GLRA2: variants seen among roughly 807,000 people sequenced by gnomAD.
GLRA2 encodes glycine receptor subunit alpha-2.
In GLRA2, 11 loss-of-function variants were observed where a neutral mutation model predicts 31.6. The ratio of observed to expected loss-of-function variants is 0.35; its 90% CI spans 0.22 to 0.58. The LOEUF is 0.58. Among genes scored for constraint, GLRA2 ranks in the 20% least tolerant of loss-of-function variants. The pLI is 0.84. For synonymous variants in GLRA2, 132 were observed against 134.0 expected, an observed-to-expected ratio of 0.99 and a Z score of 0.10; for missense variants, 212 against 351.8, an observed-to-expected ratio of 0.60 and a Z score of 3.18.
chrX:14,557,362 G>A (rs752703839), intron 2 of GLRA2, among the ~76,000 whole-genome samples: 29 of 110,128 alleles, frequency 2.6e-4, no homozygotes, highest in Middle Eastern at 4.7e-3. Context: ...TGATCCGCCC[G>A]CCTCGGCCTC....
At chrX:14,514,952 A>T in the GLRA2 span, among the ~76,000 whole-genome samples, 1 of 110,962 alleles carries the variant, frequency 9.0e-6, no homozygotes, top group African/African-American at 3.3e-5. Context: ...TTGTATAGCA[A>T]TTTCTATGTT....
At chrX:14,448,931 GGACGGTGAGT>G in the GLRA2 span, among the ~76,000 whole-genome samples, 77 of 111,018 alleles carry the variant, frequency 6.9e-4, no homozygotes, top group African/African-American at 2.4e-3. Flanking sequence ...GAGACGAGGT[GGACGGTGAGT>G]GAGCTGCTGA....
the GLRA2 span, among the ~76,000 whole-genome samples, chrX:14,519,877 CCTAA>C: frequency 3.6e-5 from 4 of 111,989 alleles, no homozygotes; most frequent in Non-Finnish European, 5.6e-5. Context: ...AAAGTAAATG[CCTAA>C]CTAATATTCG....
intron 2 of GLRA2, among the ~76,000 whole-genome samples, chrX:14,544,442 A>T (rs2089450785): frequency 8.9e-6 from 1 of 111,778 alleles, no homozygotes; most frequent in Non-Finnish European, 1.9e-5. Flanking sequence ...GCTTTCAAAA[A>T]ATGGGTAAAT....
intron 7 of GLRA2, among the ~76,000 whole-genome samples, chrX:14,638,081 G>A (rs2090730897): frequency 9.0e-6 from 1 of 111,288 alleles, no homozygotes; most frequent in Non-Finnish European, 1.9e-5. Context: ...TCTTTGAACT[G>A]CCACCCTGCA....
the GLRA2 span, among the ~76,000 whole-genome samples, chrX:14,467,954 G>A: frequency 9.0e-6 from 1 of 111,689 alleles, no homozygotes; most frequent in South Asian, 3.7e-4. Context: ...TCTTAAGTGG[G>A]TCAATAGATG....
At chrX:14,726,650 T>A in intron 8 of GLRA2, among the ~76,000 whole-genome samples, 1 of 112,590 alleles carries the variant, frequency 8.9e-6, no homozygotes, top group East Asian at 2.8e-4. Context: ...CGATGTACAA[T>A]ATAATGAGAT....
At chrX:14,506,314 ACCTCCT>A in the GLRA2 span, among the ~76,000 whole-genome samples, 2 of 109,214 alleles carry the variant, frequency 1.8e-5, no homozygotes, top group Admixed American at 1.9e-4. Flanking sequence ...TGATCTACTT[ACCTCCT>A]CCTCCTCAGA....
At chrX:14,712,697 T>G (rs948597039) in intron 8 of GLRA2, among the ~76,000 whole-genome samples, 1 of 109,121 alleles carries the variant, frequency 9.2e-6, no homozygotes, top group South Asian at 4.0e-4. Flanking sequence ...GGGGTTAAGG[T>G]CTAAAAGGCA....
chrX:14,494,879 T>TA, the GLRA2 span, among the ~76,000 whole-genome samples: 1 of 111,711 alleles, frequency 9.0e-6, no homozygotes, highest in Non-Finnish European at 1.9e-5. Flanking sequence ...GGACAGCATT[T>TA]AAAAATTCCC....
intron 3 of GLRA2, 140 bp from the exon 4 acceptor site, chrX:14,581,043 T>G: frequency 2.2e-6 from 1 of 449,911 alleles, no homozygotes; most frequent in Non-Finnish European, 3.9e-6. Flanking sequence ...ACTAAATGGT[T>G]TATTTTGACC....
intron 7 of GLRA2, among the ~76,000 whole-genome samples, chrX:14,678,013 C>T (rs1026506662): frequency 8.9e-6 from 1 of 111,966 alleles, no homozygotes; most frequent in Non-Finnish European, 1.9e-5. Context: ...CCTCAACTAC[C>T]AGATGCCAAT....
the GLRA2 span, among the ~76,000 whole-genome samples, chrX:14,514,952 A>G: frequency 9.0e-6 from 1 of 110,962 alleles, no homozygotes; most frequent in Non-Finnish European, 1.9e-5. Context: ...TTGTATAGCA[A>G]TTTCTATGTT....
At chrX:14,573,749 G>C (rs1217426629) in intron 2 of GLRA2, among the ~76,000 whole-genome samples, 1 of 109,966 alleles carries the variant, frequency 9.1e-6, no homozygotes, top group Non-Finnish European at 1.9e-5. Flanking sequence ...TGACATTACT[G>C]TATGTGTTTA....
intron 7 of GLRA2, among the ~76,000 whole-genome samples, chrX:14,647,033 C>T (rs1021807646): frequency 9.0e-6 from 1 of 111,507 alleles, no homozygotes; most frequent in African/African-American, 3.3e-5. Context: ...CTGTACAGAG[C>T]CTGACACGGG....
the GLRA2 span, among the ~76,000 whole-genome samples, chrX:14,509,401 A>G: frequency 2.7e-5 from 3 of 113,012 alleles, no homozygotes; most frequent in South Asian, 1.1e-3. Context: ...ACATTTTCCA[A>G]GAAAACGGAC....
At chrX:14,452,247 T>A in the GLRA2 span, among the ~76,000 whole-genome samples, 1 of 112,718 alleles carries the variant, frequency 8.9e-6, no homozygotes, top group Non-Finnish European at 1.9e-5. Flanking sequence ...TTCCTCTATT[T>A]CACAGTCAAC....
chrX:14,481,397 G>A, the GLRA2 span, among the ~76,000 whole-genome samples: 1 of 111,062 alleles, frequency 9.0e-6, no homozygotes, highest in Non-Finnish European at 1.9e-5. Flanking sequence ...TGCATCTGAT[G>A]GTATCTCATT....
At chrX:14,657,067 G>A (rs1228150929) in intron 7 of GLRA2, among the ~76,000 whole-genome samples, 1 of 111,895 alleles carries the variant, frequency 8.9e-6, no homozygotes, top group African/African-American at 3.2e-5. Context: ...TCAGAAACAA[G>A]CTAATGATGG....
Sources: gnomAD v4.1 joint callset for allele counts (sites outside exome capture counted in the v4.1 genomes callset) on GRCh38, gnomAD v4.1.1 for gene constraint, MANE v1.5 for transcripts, NCBI Gene and HGNC (gene_info 2026-07-23, HGNC 2026-07-21) for gene names.